SLC7A2: variants seen among roughly 807,000 people sequenced by gnomAD.
The protein encoded by SLC7A2 is cationic amino acid transporter 2.
A neutral mutation model predicts 58.9 loss-of-function variants in SLC7A2; 48 were observed. That is an observed-to-expected ratio of 0.82 (90% confidence interval 0.65 to 1.04). SLC7A2 has a LOEUF of 1.04. SLC7A2 is among the 50% of genes least tolerant of loss of function. The probability of loss-of-function intolerance (pLI) is 0.00; values close to 1 mark genes in which losing one functional copy is unlikely to be tolerated. For missense variants in SLC7A2, 1,029 were observed against 818.8 expected (o/e 1.26, Z -3.13); for synonymous variants, 363 against 314.5 (o/e 1.15, Z -1.63).
rs758418442 is a variant in SLC7A2, at chr8:17,551,921, A to G, written c.990A>G (p.Glu330=). 6.8e-6 allele frequency: 11 copies of G among 1,613,840 alleles called. No individual in the cohort carries two copies. The Middle Eastern group carries it at 4.9e-4, about 72-fold the overall frequency. ...DEKSPLPVAF[E]YVGWGPAKYV... Reference sequence around the variant, plus strand: ...AAAGCCCCCTTCCTGTAGCGTTTGAATATGTGGGATGGGGTCCTGCCAAAT... The same window carrying G: ...AAAGCCCCCTTCCTGTAGCGTTTGAGTATGTGGGATGGGGTCCTGCCAAAT... Residue 330 remains glutamate, a synonymous_variant, in exon 7 of 13, where the codon GAA becomes GAG. Coordinates refer to ENST00000494857, the MANE Select transcript of SLC7A2 (RefSeq NM_001370338.1).
chr8:17,536,886 A>G (rs1801689112), intron 2 of SLC7A2, among the ~76,000 whole-genome samples: 1 of 152,144 alleles, frequency 6.6e-6, no homozygotes, highest in Admixed American at 6.5e-5. Context: ...TGAAGTGCAC[A>G]GGAGGTGTGT....
chr8:17,523,284 C>CA (rs1488775968), intron 2 of SLC7A2, among the ~76,000 whole-genome samples: 1 of 151,990 alleles, frequency 6.6e-6, no homozygotes, highest in Admixed American at 6.6e-5. Context: ...CTAATAGAAC[C>CA]AAAAAAGAGC....
intron 7 of SLC7A2, among the ~76,000 whole-genome samples, chr8:17,553,169 C>T: frequency 6.6e-6 from 1 of 152,144 alleles, no homozygotes; most frequent in African/African-American, 2.4e-5. Flanking sequence ...CTCCCCAGTT[C>T]AGCCTCCTGA....
intron 2 of SLC7A2, among the ~76,000 whole-genome samples, chr8:17,516,830 C>G (rs7014245): frequency 1.3e-5 from 2 of 152,170 alleles, no homozygotes; most frequent in Non-Finnish European, 2.9e-5. Flanking sequence ...TCCATTGATT[C>G]AGGAAATATT....
chr8:17,533,956 T>C (rs1380215343), intron 2 of SLC7A2, among the ~76,000 whole-genome samples: 1 of 151,502 alleles, frequency 6.6e-6, no homozygotes, highest in African/African-American at 2.4e-5. Flanking sequence ...GTTGTTCCCC[T>C]CCCTATGTCC....
At chr8:17,498,889 CA>C (rs1282802078) in intron 1 of SLC7A2, 1 of 152,250 alleles carries the variant, frequency 6.6e-6, no homozygotes, top group Admixed American at 6.5e-5. Context: ...GCTGGGGAGA[CA>C]GGGGAGCTGT....
chr8:17,494,837 A>C (rs1006531480), upstream of SLC7A2, among the ~76,000 whole-genome samples: 2 of 152,220 alleles, frequency 1.3e-5, no homozygotes, highest in African/African-American at 4.8e-5. Flanking sequence ...CTTGTTAGAA[A>C]GTTGTTTGAA....
chr8:17,561,952 G>C lies in SLC7A2; in HGVS notation c.1513G>C (p.Val505Leu), dbSNP rs56335308. The change falls in exon 11 of 13, where the codon GTG (valine) becomes CTG (leucine). Residue 505 changes from valine to leucine, a missense_variant. By Grantham distance (32) the Val-to-Leu change is conservative. Coordinates refer to ENST00000494857, the MANE Select transcript of SLC7A2 (RefSeq NM_001370338.1). Reference sequence around the variant, plus strand: ...TACACATCCCCCTGCAGCTTTCCTCGTGTTGGGCCTGAGTGTCTTGACCAC... The same window carrying C: ...TACACATCCCCCTGCAGCTTTCCTCCTGTTGGGCCTGAGTGTCTTGACCAC... ...SFLVGFLAFL[V>L]LGLSVLTTYG... The C allele has an allele frequency of 6.2e-7, 1 of 1,614,054 alleles. No homozygotes were observed. Among genetic ancestry groups the C allele is most frequent in the East Asian group, 2.2e-5 (1 of 44,858 alleles).
chr8:17,559,683 G>C (rs775262196), intron 9 of SLC7A2, among the ~76,000 whole-genome samples: 2 of 152,226 alleles, frequency 1.3e-5, no homozygotes, highest in African/African-American at 2.4e-5. Flanking sequence ...CTCCCACTGG[G>C]TCCCTTCCAC....
Position 17,532,247 on chromosome 8 carries a change from A to C in SLC7A2, c.-22-11071A>C, listed in dbSNP as rs1314825052. 3.8e-4 allele frequency among the ~76,000 whole-genome samples: 48 copies of C among 124,768 alleles called. 2 individuals are homozygous for C. The highest frequency in any genetic ancestry group is 1.1e-3 in the African/African-American group (40 of 37,300). 81.9% of individuals were successfully genotyped at this position (124,768 alleles called of 152,430 possible). On this transcript the variant is annotated intron_variant, in intron 2 of 12. Transcript: ENST00000494857. ...TCTATCTCAAAAAAAAAAAAAAAAAAAAAAAAAAAAAACCCCAGCAATTCT... is the reference window on the plus strand; with the variant it reads ...TCTATCTCAAAAAAAAAAAAAAAAACAAAAAAAAAAAACCCCAGCAATTCT...
At chr8:17,536,133 T>C (rs1253560103) in intron 2 of SLC7A2, among the ~76,000 whole-genome samples, 2 of 151,820 alleles carry the variant, frequency 1.3e-5, no homozygotes, top group East Asian at 3.9e-4. Flanking sequence ...AAGTTTTAAA[T>C]GTTTTTAGTA....
intron 8 of SLC7A2, among the ~76,000 whole-genome samples, chr8:17,556,397 T>C (rs1156457896): frequency 6.6e-6 from 1 of 152,148 alleles, no homozygotes; most frequent in Non-Finnish European, 1.5e-5. Flanking sequence ...AAATTAATAA[T>C]TAAAAGAAGA....
At chr8:17,556,304 T>C (rs17124835) in intron 8 of SLC7A2, among the ~76,000 whole-genome samples, 4,247 of 151,912 alleles carry the variant, frequency 0.028, 225 homozygotes, top group African/African-American at 0.097. Flanking sequence ...GGTAAAATAC[T>C]TGCCAGTAAT....
At position 17,568,969 on chromosome 8, in the gene SLC7A2, A is replaced by T. The variant is rs902136683; in HGVS notation, c.*3823A>T. Reference sequence around the variant, plus strand: ...ACGGTGAGACCCTGCCTCAAAAAAAATAAAAATAAAAATAAAACACTTTAA... The same window carrying T: ...ACGGTGAGACCCTGCCTCAAAAAAATTAAAAATAAAAATAAAACACTTTAA... On this transcript the variant is annotated 3_prime_UTR_variant, in exon 13 of 13. Coordinates refer to ENST00000494857, the MANE Select transcript of SLC7A2 (RefSeq NM_001370338.1). 1 of 152,168 alleles carries T rather than the reference A, an allele frequency of 6.6e-6. No homozygotes were observed. The highest frequency in any genetic ancestry group is 2.4e-5 in the African/African-American group (1 of 41,454). 9.4% of individuals were successfully genotyped at this position (152,168 alleles called of 1,614,324 possible).
intron 2 of SLC7A2, among the ~76,000 whole-genome samples, chr8:17,504,609 C>G (rs768406644): frequency 6.6e-6 from 1 of 152,166 alleles, no homozygotes; most frequent in Non-Finnish European, 1.5e-5. Flanking sequence ...CTCAGTTACT[C>G]TTCTACCACA....
intron 2 of SLC7A2, among the ~76,000 whole-genome samples, chr8:17,530,223 G>C (rs376181910): frequency 1.4e-4 from 21 of 152,262 alleles, no homozygotes; most frequent in African/African-American, 5.1e-4. Context: ...GAGTCAGAAG[G>C]AAAGCTCAGG....
At position 17,561,296 on chromosome 8, in the gene SLC7A2, G is replaced by A. The variant is rs865842530; in HGVS notation, c.1505-648G>A. Among the ~76,000 whole-genome samples the A allele has an allele frequency of 9.9e-5, 15 of 152,154 alleles. No individual in the cohort carries two copies. The South Asian group carries it at 1.0e-3, about 11-fold the overall frequency. On this transcript the variant is annotated intron_variant, in intron 10 of 12. Coordinates refer to ENST00000494857, the MANE Select transcript of SLC7A2 (RefSeq NM_001370338.1). ...CTTACAGTTCCACGTGGTTAGGGAG[G>A]CCTCACAGTCATGGTGGAAGGCGAA...
rs1323781471 is a variant in SLC7A2 at position 17,567,856 on chromosome 8, G to A, written c.*2710G>A. 6.6e-6 allele frequency: 1 copy of A among 152,100 alleles called. No homozygotes were observed. Among genetic ancestry groups the A allele is most frequent in the Non-Finnish European group, 1.5e-5 (1 of 68,028 alleles). The allele number at this position is 152,100 out of a possible 1,614,324, so 9.4% of individuals were successfully genotyped here. ...ATTATAGCAGGTGCTTTGTAATCTG[G>A]AATGGAGAAGAGGTAGGGGCATTTG... On this transcript the variant is annotated 3_prime_UTR_variant, in exon 13 of 13. Coordinates refer to ENST00000494857, the MANE Select transcript of SLC7A2 (RefSeq NM_001370338.1).
At chr8:17,559,198 T>C (rs1214918264) in intron 9 of SLC7A2, among the ~76,000 whole-genome samples, 2 of 152,116 alleles carry the variant, frequency 1.3e-5, no homozygotes, top group Admixed American at 1.3e-4. Context: ...GGGCAGACAC[T>C]AGGAGGAGAA....
Sources: gnomAD v4.1 joint callset for allele counts (sites outside exome capture counted in the v4.1 genomes callset) on GRCh38, gnomAD v4.1.1 for gene constraint, MANE v1.5 for transcripts, NCBI Gene and HGNC (gene_info 2026-07-23, HGNC 2026-07-21) for gene names.